FHL2: variants seen among roughly 807,000 people sequenced by gnomAD.
FHL2 encodes four and a half LIM domains protein 2.
A neutral mutation model predicts 32.7 loss-of-function variants in FHL2; 20 were observed. The ratio of observed to expected loss-of-function variants is 0.61; its 90% confidence interval spans 0.43 to 0.89. The LOEUF (loss-of-function observed/expected upper bound fraction) is 0.89, where lower values mean the gene tolerates loss of function less well. Among genes scored for constraint, FHL2 ranks in the 40% least tolerant of loss-of-function variants. The pLI, the probability that FHL2 is intolerant of heterozygous loss-of-function variation, is 0.00. For synonymous variants in FHL2, 123 were observed against 128.1 expected, an observed-to-expected ratio of 0.96 and a Z score of 0.27; for missense variants, 311 against 358.6, an observed-to-expected ratio of 0.87 and a Z score of 1.07.
At chr2:105,424,557 G>T (rs966952599) in intron 1 of FHL2, among the ~76,000 whole-genome samples, 2 of 152,152 alleles carry the variant, frequency 1.3e-5, no homozygotes, top group South Asian at 2.1e-4. Flanking sequence ...AAATCATTCT[G>T]CTATAAAGAT....
intron 1 of FHL2, among the ~76,000 whole-genome samples, chr2:105,434,984 C>A (rs1432709540): frequency 5.3e-5 from 8 of 152,060 alleles, no homozygotes; most frequent in Non-Finnish European, 8.8e-5. Flanking sequence ...ATTACGAAAA[C>A]TTTCATGATC....
At position 105,398,975 on chromosome 2, in the gene FHL2, C is replaced by T. The variant is rs1255082152; in HGVS notation, c.-209G>A. 6.6e-7 allele frequency: 1 copy of T among 1,518,400 alleles called. No homozygotes were observed. Among genetic ancestry groups the T allele is most frequent in the Non-Finnish European group, 8.8e-7 (1 of 1,137,540 alleles). 94.1% of individuals were successfully genotyped at this position (1,518,400 alleles called of 1,614,324 possible). A position where few individuals can be genotyped will look rare whatever the true frequency, so the allele number is the denominator to read the frequency against. Reference sequence around the variant, plus strand: ...AGGGGGTTGGAGGTACTCACGGCACCGCAGCGGGCCGGGGACTCCCGGACG... The same window carrying T: ...AGGGGGTTGGAGGTACTCACGGCACTGCAGCGGGCCGGGGACTCCCGGACG... On this transcript the variant is annotated 5_prime_UTR_variant, in exon 1 of 7. Coordinates refer to ENST00000530340, the MANE Select transcript of FHL2 (RefSeq NM_001318895.3).
At chr2:105,362,474 C>T (rs1680339774) in intron 6 of FHL2, among the ~76,000 whole-genome samples, 1 of 152,196 alleles carries the variant, frequency 6.6e-6, no homozygotes, top group Non-Finnish European at 1.5e-5. Context: ...TCTGTAGTTA[C>T]ACTGAAAAGC....
At chr2:105,422,866 C>A (rs138567815) in intron 1 of FHL2, among the ~76,000 whole-genome samples, 2 of 152,218 alleles carry the variant, frequency 1.3e-5, no homozygotes, top group African/African-American at 4.8e-5. Flanking sequence ...GTTTTTCGTT[C>A]TGACAGTTTT....
chr2:105,398,806 G>A (rs747183853), intron 1 of FHL2, 36 bp downstream of exon 1: 2 of 1,381,690 alleles, frequency 1.4e-6, no homozygotes, highest in South Asian at 1.8e-5. Flanking sequence ...CTCTCCCAGT[G>A]GTCTTCCCGG....
At chr2:105,419,126 T>C (rs1214482491) in intron 1 of FHL2, among the ~76,000 whole-genome samples, 1 of 152,208 alleles carries the variant, frequency 6.6e-6, no homozygotes, top group Non-Finnish European at 1.5e-5. Context: ...TGTAGATCTA[T>C]AGAAGGCCAC....
At chr2:105,380,530 A>C (rs894674880) in intron 3 of FHL2, among the ~76,000 whole-genome samples, 1 of 152,200 alleles carries the variant, frequency 6.6e-6, no homozygotes, top group Non-Finnish European at 1.5e-5. Context: ...CGCCCGGCTC[A>C]AGTGACTCTT....
chr2:105,386,895 G>A (rs1483493428), intron 2 of FHL2, among the ~76,000 whole-genome samples: 1 of 150,378 alleles, frequency 6.6e-6, no homozygotes, highest in Non-Finnish European at 1.5e-5. Context: ...CTCCCAAGTA[G>A]CTGAGATTAC....
At chr2:105,419,003 C>A (rs140593832) in intron 1 of FHL2, among the ~76,000 whole-genome samples, 54 of 152,252 alleles carry the variant, frequency 3.5e-4, no homozygotes, top group African/African-American at 1.2e-3. Context: ...TGGAACTTAT[C>A]CCCACCAGAT....
At chr2:105,395,325 C>G (rs1326138053) in intron 2 of FHL2, among the ~76,000 whole-genome samples, 1 of 152,226 alleles carries the variant, frequency 6.6e-6, no homozygotes, top group Non-Finnish European at 1.5e-5. Context: ...TGCTATGGCT[C>G]TACCATGCCT....
chr2:105,381,368 C>A (rs1015181227), intron 3 of FHL2, among the ~76,000 whole-genome samples: 4 of 152,118 alleles, frequency 2.6e-5, no homozygotes, highest in Non-Finnish European at 5.9e-5. Flanking sequence ...CTCAATTACC[C>A]CGACAGTCCC....
In FHL2 at chr2:105,364,705, TTA is replaced by T. The variant is rs558187420; in HGVS notation, c.502-1236_502-1235del. On this transcript the variant is annotated intron_variant, in intron 5 of 6. Transcript: ENST00000530340. ...CCTCACAATCACACTTTTTTGCTTT[TTA>T]TTTTTTGAACATTTCAGTATCATGC... 4.7e-4 allele frequency among the ~76,000 whole-genome samples: 72 copies of T among 152,332 alleles called. 2 individuals carry two copies. In the South Asian group the frequency reaches 0.015, roughly 31 times the overall value.
chr2:105,399,502 C>T (rs993492145), upstream of FHL2: 5 of 1,536,050 alleles, frequency 3.3e-6, no homozygotes, highest in Non-Finnish European at 4.4e-6. Flanking sequence ...TTCCTTCTTA[C>T]CCTGCAGATG....
At chr2:105,423,926 G>A (rs1684181528) in intron 1 of FHL2, among the ~76,000 whole-genome samples, 1 of 152,158 alleles carries the variant, frequency 6.6e-6, no homozygotes, top group African/African-American at 2.4e-5. Flanking sequence ...AAAAACCCTA[G>A]AAGAAAACCT....
chr2:105,365,215 TCTC>T (rs1210314068), intron 5 of FHL2, among the ~76,000 whole-genome samples: 1 of 152,150 alleles, frequency 6.6e-6, no homozygotes, highest in Non-Finnish European at 1.5e-5. Context: ...ACTCTGCTCT[TCTC>T]CTCCATAGCA....
intron 1 of FHL2, among the ~76,000 whole-genome samples, chr2:105,432,944 A>G (rs1181807527): frequency 6.6e-6 from 1 of 152,204 alleles, no homozygotes; most frequent in Admixed American, 6.5e-5. Context: ...AGAAACTTCT[A>G]GCTCCTTCCT....
chr2:105,392,259 G>A (rs1444139717), intron 2 of FHL2, among the ~76,000 whole-genome samples: 3 of 152,166 alleles, frequency 2.0e-5, no homozygotes, highest in Non-Finnish European at 4.4e-5. Context: ...TATCGTTTGA[G>A]CCCTGTAGTT....
intron 6 of FHL2, among the ~76,000 whole-genome samples, chr2:105,362,741 G>A (rs1680365239): frequency 6.6e-6 from 1 of 152,168 alleles, no homozygotes; most frequent in African/African-American, 2.4e-5. Context: ...TAATAGTCTA[G>A]TCCAGAAGCC....
At chr2:105,430,826 C>T (rs1684411123) in intron 1 of FHL2, among the ~76,000 whole-genome samples, 1 of 152,228 alleles carries the variant, frequency 6.6e-6, no homozygotes, top group African/African-American at 2.4e-5. Flanking sequence ...CTGCCCCATA[C>T]AGAGGCCAAG....
Sources: allele counts gnomAD v4.1 joint callset (sites outside exome capture counted in the v4.1 genomes callset), GRCh38; gene constraint gnomAD v4.1.1; transcripts MANE v1.5; gene names NCBI Gene and HGNC (gene_info 2026-07-23, HGNC 2026-07-21).